The following DNAJB1 variants were observed in gnomAD, a reference collection of about 807,000 sequenced individuals.
DNAJB1 encodes dnaJ homolog subfamily B member 1.
In DNAJB1, 14 loss-of-function variants were observed where a neutral mutation model predicts 24.0. That is an observed-to-expected ratio of 0.58 (90% CI 0.39 to 0.91). The LOEUF is 0.91. Among genes scored for constraint, DNAJB1 ranks in the 40% least tolerant of loss-of-function variants. The pLI is 0.00. For missense variants in DNAJB1, 517 were observed against 458.1 expected (o/e 1.13, Z -1.17); for synonymous variants, 262 against 174.4 (o/e 1.50, Z -3.96).
chr19:14,515,765 C>T lies in DNAJB1; in HGVS notation c.*175G>A. Reference sequence around the variant, plus strand: ...TGATGCCCTATAGCTCGAAAAACCACTGAAGTCTAGTGTGCGACTTTGAAA... The same window carrying T: ...TGATGCCCTATAGCTCGAAAAACCATTGAAGTCTAGTGTGCGACTTTGAAA... On this transcript the variant is annotated 3_prime_UTR_variant, in exon 3 of 3. Coordinates refer to ENST00000254322, the MANE Select transcript of DNAJB1 (RefSeq NM_006145.3). The T allele has an allele frequency of 1.6e-6, 1 of 628,108 alleles. No homozygotes were observed. Among genetic ancestry groups the T allele is most frequent in the Admixed American group, 3.5e-5 (1 of 28,854 alleles). 38.9% of individuals were successfully genotyped at this position (628,108 alleles called of 1,614,324 possible). A position where few individuals can be genotyped will look rare whatever the true frequency, so the allele number is the denominator to read the frequency against.
At chr19:14,543,956 T>G (rs1263475227) in intron 1 of DNAJB1, among the ~76,000 whole-genome samples, 2 of 151,548 alleles carry the variant, frequency 1.3e-5, no homozygotes, top group African/African-American at 4.9e-5. Flanking sequence ...CAGGCAGGTC[T>G]CGAACTCCTG....
upstream of DNAJB1, among the ~76,000 whole-genome samples, chr19:14,519,640 C>G (rs2072339177): frequency 6.6e-6 from 1 of 152,172 alleles, no homozygotes; most frequent in Admixed American, 6.5e-5. Flanking sequence ...AGTCTGACAT[C>G]GCCACCTGGG....
upstream of DNAJB1, among the ~76,000 whole-genome samples, chr19:14,553,574 G>T (rs2073613244): frequency 6.6e-6 from 1 of 152,140 alleles, no homozygotes; most frequent in Non-Finnish European, 1.5e-5. Context: ...TGAGCCCTAG[G>T]TCTTCTCAGC....
intron 1 of DNAJB1, among the ~76,000 whole-genome samples, chr19:14,536,421 C>G (rs1176829353): frequency 2.6e-5 from 4 of 152,034 alleles, no homozygotes; most frequent in Admixed American, 1.3e-4. Context: ...AGGCGCCCAC[C>G]ACCACGCCCG....
intron 2 of DNAJB1, 47 bp from the exon 3 acceptor site, chr19:14,516,217 CT>C: frequency 1.2e-6 from 2 of 1,601,000 alleles, no homozygotes; most frequent in South Asian, 2.2e-5. Context: ...GCTCAAGAGG[CT>C]CAGCTCTTGC....
chr19:14,517,480 C>T lies in DNAJB1; in HGVS notation c.212-434G>A, dbSNP rs115408911. The T allele has an allele frequency of 3.1e-3, 506 of 161,094 alleles. 5 individuals carry two copies. Among genetic ancestry groups the T allele is most frequent in the African/African-American group, 0.011 (462 of 41,768 alleles). The allele number at this position is 161,094 out of a possible 1,614,324, so 10.0% of individuals were successfully genotyped here. A position where few individuals can be genotyped will look rare whatever the true frequency, so the allele number is the denominator to read the frequency against. The stretch of plus-strand genomic sequence containing the variant: ...AATAGGGAGTTTTTAAATCCTCACA[C>T]ATTAGCATTCACTGCCACCATCCTT... On this transcript the variant is annotated intron_variant, in intron 1 of 2. Transcript: ENST00000254322.
At position 14,516,573 on chromosome 19, in the gene DNAJB1, T is replaced by C; in HGVS notation, c.685A>G (p.Asn229Asp). 6.2e-7 allele frequency: 1 copy of C among 1,614,238 alleles called. No individual in the cohort carries two copies. The highest frequency in any genetic ancestry group is 2.2e-5 in the East Asian group (1 of 44,894). The change falls in exon 2 of 3, where the codon AAC becomes GAC. Residue 229 changes from asparagine to aspartate, a missense_variant. Physicochemically the swap from Asn to Asp is conservative, Grantham distance 23. Transcript: ENST00000254322. ...AAGACGATATCAGCTGGAATGTTGTTGGAGGTCTGGTCTCCTTCCTTGGGG... is the reference window on the plus strand; with the variant it reads ...AAGACGATATCAGCTGGAATGTTGTCGGAGGTCTGGTCTCCTTCCTTGGGG... Reference protein sequence around the residue: ...TFPKEGDQTSNNIPADIVFVL... With the variant: ...TFPKEGDQTSDNIPADIVFVL...
At chr19:14,549,977 G>T (rs889139433) in intron 1 of DNAJB1, among the ~76,000 whole-genome samples, 1 of 151,600 alleles carries the variant, frequency 6.6e-6, no homozygotes, top group African/African-American at 2.4e-5. Context: ...CTATACACCT[G>T]CCCCCTTCAA....
chr19:14,534,412 C>T (rs889043582), upstream of DNAJB1, among the ~76,000 whole-genome samples: 1 of 144,702 alleles, frequency 6.9e-6, no homozygotes, highest in Non-Finnish European at 1.5e-5. Context: ...GAGTGAGCCA[C>T]CATGCCTGGC....
At position 14,558,050 on chromosome 19, in the gene DNAJB1, C is replaced by T. The variant is rs551198926; in HGVS notation, c.-2166+1981G>A. On this transcript the variant is annotated intron_variant, in intron 1 of 5. Coordinates refer to the DNAJB1 transcript ENST00000679223. ...CATTACAGGCGTGAGCCACCACGCC[C>T]GGCCTATATTTATCCTTAATAAGAT... 5.3e-4 allele frequency among the ~76,000 whole-genome samples: 80 copies of T among 152,290 alleles called. 1 individual carries two copies. In the Middle Eastern group the frequency reaches 0.02, roughly 39 times the overall value.
intron 1 of DNAJB1, among the ~76,000 whole-genome samples, chr19:14,541,192 G>C (rs1475002683): frequency 6.6e-6 from 1 of 152,152 alleles, no homozygotes; most frequent in African/African-American, 2.4e-5. Flanking sequence ...TGCCCAGGCT[G>C]GTCTTGAACT....
chr19:14,529,594 G>A, upstream of DNAJB1: 16 of 1,578,556 alleles, frequency 1.0e-5, no homozygotes, highest in Non-Finnish European at 1.1e-5. Flanking sequence ...GCAGAGCCGC[G>A]TTTAGTCTAT....
intron 1 of DNAJB1, among the ~76,000 whole-genome samples, chr19:14,539,514 A>T (rs959707504): frequency 3.8e-4 from 57 of 151,902 alleles, no homozygotes; most frequent in African/African-American, 1.3e-3. Flanking sequence ...ACTGTTCCCC[A>T]CCGAGCCACA....
At chr19:14,544,177 A>G (rs1405792730) in intron 1 of DNAJB1, among the ~76,000 whole-genome samples, 2 of 151,682 alleles carry the variant, frequency 1.3e-5, no homozygotes, top group African/African-American at 2.4e-5. Flanking sequence ...AATGTGACAA[A>G]ATACCTCCGA....
At chr19:14,522,007 C>T (rs537358114), upstream of DNAJB1, among the ~76,000 whole-genome samples, 5 of 152,198 alleles carry the variant, frequency 3.3e-5, no homozygotes, top group South Asian at 6.2e-4. Context: ...TAACTCTCTC[C>T]TAATGGACAT....
At chr19:14,539,768 C>G (rs1347984101) in intron 1 of DNAJB1, among the ~76,000 whole-genome samples, 1 of 152,142 alleles carries the variant, frequency 6.6e-6, no homozygotes, top group African/African-American at 2.4e-5. Context: ...TTCCATGTCC[C>G]CCAGAGAGAC....
chr19:14,516,333 G>T, intron 2 of DNAJB1, 133 bp downstream of exon 2: 1 of 1,268,614 alleles, frequency 7.9e-7, no homozygotes, highest in Non-Finnish European at 1.1e-6. Flanking sequence ...CAGCGCCCTG[G>T]TCAGTCCTGT....
Position 14,518,132 on chromosome 19 carries a change from C to T in DNAJB1, c.211+7G>A. ...GCGGGGCCGCGCCCCTGGCCGCGAG[C>T]ACACACCTTCCTCCCCGTAGCGGTC... On this transcript the variant is annotated splice_region_variant and intron_variant, in intron 1 of 2. Coordinates refer to ENST00000254322, the MANE Select transcript of DNAJB1 (RefSeq NM_006145.3). The T allele has an allele frequency of 6.6e-7, 1 of 1,525,088 alleles. No homozygotes were observed. The highest frequency in any genetic ancestry group is 8.8e-7 in the Non-Finnish European group (1 of 1,137,212). 94.5% of individuals were successfully genotyped at this position (1,525,088 alleles called of 1,614,324 possible).
At chr19:14,544,904 A>G (rs545134217) in intron 1 of DNAJB1, among the ~76,000 whole-genome samples, 1 of 152,158 alleles carries the variant, frequency 6.6e-6, no homozygotes, top group East Asian at 1.9e-4. Context: ...AAGTGCTGGG[A>G]TTACAGACAA....
Sources: allele counts gnomAD v4.1 joint callset (sites outside exome capture counted in the v4.1 genomes callset), GRCh38; gene constraint gnomAD v4.1.1; transcripts MANE v1.5; gene names NCBI Gene and HGNC (gene_info 2026-07-23, HGNC 2026-07-21).